Variants in PTPRD observed in about 807,000 individuals in gnomAD.
The protein encoded by PTPRD is protein tyrosine phosphatase receptor type D.
In PTPRD, 34 loss-of-function variants were observed where a neutral mutation model predicts 214.5. That is an observed-to-expected ratio of 0.16 (90% confidence interval 0.12 to 0.21). PTPRD has a LOEUF of 0.21. PTPRD is among the 10% of genes least tolerant of loss of function. PTPRD has a pLI of 1.00. For synonymous variants in PTPRD, 1,128 were observed against 845.7 expected (o/e 1.33, Z -5.79); for missense variants, 2,545 against 2,398.7 (o/e 1.06, Z -1.27).
chr9:10,176,167 G>C (rs1027193628), intron 3 of PTPRD, among the ~76,000 whole-genome samples: 3 of 151,640 alleles, frequency 2.0e-5, no homozygotes, highest in African/African-American at 4.8e-5. Context: ...ACAATGCTTT[G>C]TATTAACCTT....
chr9:10,248,527 T>TA (rs76013260), intron 3 of PTPRD, among the ~76,000 whole-genome samples: 2 of 61,972 alleles, frequency 3.2e-5, no homozygotes, highest in African/African-American at 7.7e-5. Flanking sequence ...AAAAAAAAAA[T>TA]AAAAAAAATA....
chr9:10,578,525 T>C (rs901309643), intron 2 of PTPRD, among the ~76,000 whole-genome samples: 4 of 152,158 alleles, frequency 2.6e-5, no homozygotes, highest in African/African-American at 9.6e-5. Context: ...ATAGAAACTG[T>C]TGATTACCTA....
chr9:9,856,697 GC>G (rs2061620100), intron 5 of PTPRD, among the ~76,000 whole-genome samples: 5 of 151,928 alleles, frequency 3.3e-5, no homozygotes, highest in African/African-American at 9.7e-5. Context: ...ATCTGTTAAA[GC>G]TGTCCCAATT....
intron 4 of PTPRD, among the ~76,000 whole-genome samples, chr9:9,961,548 T>C (rs1472064610): frequency 1.3e-5 from 2 of 152,164 alleles, no homozygotes; most frequent in Admixed American, 6.5e-5. Context: ...TATATAGCAA[T>C]TGGTGTGCTT....
At chr9:10,117,285 C>T (rs2098737873) in intron 3 of PTPRD, among the ~76,000 whole-genome samples, 1 of 152,016 alleles carries the variant, frequency 6.6e-6, no homozygotes, top group Admixed American at 6.6e-5. Flanking sequence ...AATGTAGAAC[C>T]TGAGAAGTTA....
intron 3 of PTPRD, among the ~76,000 whole-genome samples, chr9:10,225,679 T>C (rs866594442): frequency 1.4e-4 from 21 of 152,214 alleles, no homozygotes; most frequent in African/African-American, 4.8e-4. Flanking sequence ...AAGAAAAGTC[T>C]ACTCTTATTC....
intron 8 of PTPRD, among the ~76,000 whole-genome samples, chr9:9,493,838 G>C (rs1209169057): frequency 6.7e-6 from 1 of 148,434 alleles, no homozygotes; most frequent in Non-Finnish European, 1.5e-5. Context: ...AATACATTTT[G>C]TAAGGTTATA....
chr9:8,639,020 T>G (rs1023934347), intron 12 of PTPRD, among the ~76,000 whole-genome samples: 7 of 152,026 alleles, frequency 4.6e-5, no homozygotes. Context: ...TTTTTGTATT[T>G]TTAGTAGAGA....
chr9:9,209,461 G>T (rs1294941441), intron 9 of PTPRD, among the ~76,000 whole-genome samples: 1 of 152,124 alleles, frequency 6.6e-6, no homozygotes, highest in Non-Finnish European at 1.5e-5. Flanking sequence ...AATTAGAGAT[G>T]GACCAGTATT....
intron 4 of PTPRD, among the ~76,000 whole-genome samples, chr9:9,991,571 G>A (rs893299910): frequency 4.0e-5 from 6 of 151,874 alleles, no homozygotes; most frequent in Non-Finnish European, 8.8e-5. Context: ...ATGTTGGTCA[G>A]GCTGGTCTCG....
intron 11 of PTPRD, among the ~76,000 whole-genome samples, chr9:8,901,298 A>G (rs2098667068): frequency 6.6e-6 from 1 of 152,190 alleles, no homozygotes; most frequent in South Asian, 2.1e-4. Context: ...CTGGCTGGGA[A>G]AAGTTCCAGA....
intron 12 of PTPRD, among the ~76,000 whole-genome samples, chr9:8,662,484 A>T (rs66940098): frequency 0.18 from 27,796 of 152,044 alleles, 3,462 homozygotes; most frequent in African/African-American, 0.35. Context: ...ACTATAGTCT[A>T]TCTGTAGCCC....
At chr9:8,322,168 C>T (rs1285532201) in intron 44 of PTPRD, among the ~76,000 whole-genome samples, 2 of 151,962 alleles carry the variant, frequency 1.3e-5, no homozygotes, top group African/African-American at 2.4e-5. Flanking sequence ...TCTCCTCAGG[C>T]CTCCCTATTC....
intron 9 of PTPRD, among the ~76,000 whole-genome samples, chr9:9,259,947 G>C (rs923151160): frequency 1.1e-4 from 17 of 151,836 alleles, no homozygotes; most frequent in Non-Finnish European, 8.8e-5. Flanking sequence ...GGCCTTAGCT[G>C]GACAATGCTT....
intron 14 of PTPRD, among the ~76,000 whole-genome samples, chr9:8,633,022 T>C (rs887719379): frequency 1.3e-5 from 2 of 151,742 alleles, no homozygotes; most frequent in African/African-American, 4.8e-5. Context: ...TATAAAAGAG[T>C]ACCATATCCT....
chr9:8,863,226 G>T (rs1412587397), intron 11 of PTPRD, among the ~76,000 whole-genome samples: 5 of 152,130 alleles, frequency 3.3e-5, no homozygotes, highest in African/African-American at 9.7e-5. Flanking sequence ...TCTGCTACTG[G>T]AGATTACAGC....
intron 34 of PTPRD, among the ~76,000 whole-genome samples, chr9:8,443,456 T>A (rs2095616655): frequency 6.6e-6 from 1 of 152,232 alleles, no homozygotes; most frequent in African/African-American, 2.4e-5. Context: ...TTTCTGCTGC[T>A]GATACCACTA....
At chr9:10,027,046 G>C (rs2096936736) in intron 4 of PTPRD, among the ~76,000 whole-genome samples, 1 of 151,946 alleles carries the variant, frequency 6.6e-6, no homozygotes, top group African/African-American at 2.4e-5. Flanking sequence ...ACTTGGCCTT[G>C]GTAAAATAAA....
chr9:8,353,924 ATATGTG>A (rs1564202087), intron 39 of PTPRD, among the ~76,000 whole-genome samples: 14 of 135,720 alleles, frequency 1.0e-4, no homozygotes, highest in African/African-American at 2.6e-4. Context: ...ATATGTATAT[ATATGTG>A]TGTGTACATA....
Sources: allele counts gnomAD v4.1 joint callset (sites outside exome capture counted in the v4.1 genomes callset), GRCh38; gene constraint gnomAD v4.1.1; transcripts MANE v1.5; gene names NCBI Gene and HGNC (gene_info 2026-07-23, HGNC 2026-07-21).